The following ACO1 variants were observed in gnomAD, a reference collection of about 807,000 sequenced individuals.
ACO1 encodes the protein cytoplasmic aconitate hydratase.
A neutral mutation model predicts 105.1 loss-of-function variants in ACO1; 78 were observed. The ratio of observed to expected loss-of-function variants is 0.74; its 90% CI spans 0.62 to 0.90. The LOEUF (loss-of-function observed/expected upper bound fraction) is 0.90, where lower values mean the gene tolerates loss of function less well. ACO1 is among the 40% of genes least tolerant of loss of function. The pLI is 0.00. For synonymous variants in ACO1, 364 were observed against 397.4 expected, an observed-to-expected ratio of 0.92 and a Z score of 1.00; for missense variants, 965 against 1,111.1, an observed-to-expected ratio of 0.87 and a Z score of 1.87.
At chr9:32,407,139 C>T in intron 2 of ACO1, 122 bp from the exon 3 acceptor site, 1 of 904,628 alleles carries the variant, frequency 1.1e-6, no homozygotes, top group Admixed American at 2.1e-5. Context: ...GGTCACTTTA[C>T]CCTCTTTCCT....
At chr9:32,418,074 AC>A in intron 4 of ACO1, 53 bp from the exon 5 acceptor site, 1 of 1,518,896 alleles carries the variant, frequency 6.6e-7, no homozygotes, top group Non-Finnish European at 9.1e-7. Context: ...AATAAATTTG[AC>A]CACTAATATG....
intron 1 of ACO1, among the ~76,000 whole-genome samples, chr9:32,391,064 T>C (rs998671311): frequency 1.8e-4 from 27 of 152,218 alleles, no homozygotes; most frequent in African/African-American, 5.8e-4. Context: ...GAGCTTACCA[T>C]AGGTAAGTCA....
intron 16 of ACO1, among the ~76,000 whole-genome samples, chr9:32,434,115 C>G (rs922903639): frequency 7.2e-5 from 11 of 152,264 alleles, no homozygotes; most frequent in African/African-American, 2.6e-4. Flanking sequence ...AGGAGACCAT[C>G]CCCAGAGCCC....
intron 1 of ACO1, among the ~76,000 whole-genome samples, chr9:32,389,412 T>G (rs773075198): frequency 6.6e-6 from 1 of 152,214 alleles, no homozygotes; most frequent in Non-Finnish European, 1.5e-5. Flanking sequence ...CCTGGTATGT[T>G]GAGGACAGTT....
chr9:32,415,698 T>C (rs1048674919), intron 4 of ACO1, among the ~76,000 whole-genome samples: 1 of 152,202 alleles, frequency 6.6e-6, no homozygotes, highest in Non-Finnish European at 1.5e-5. Context: ...TGTCCTGCCT[T>C]GTTCTGCTAT....
chr9:32,385,224 A>T (rs1450217441), intron 1 of ACO1, among the ~76,000 whole-genome samples: 2 of 152,210 alleles, frequency 1.3e-5, no homozygotes, highest in Non-Finnish European at 2.9e-5. Context: ...TTGAACACAG[A>T]GCCCACCATG....
rs1463797761 is a variant in ACO1, at chr9:32,390,791, A to G, written c.-23+6056A>G. 5.9e-5 allele frequency among the ~76,000 whole-genome samples: 9 copies of G among 152,252 alleles called. No homozygotes were observed. In the East Asian group the frequency reaches 1.7e-3, roughly 29 times the overall value. Reference sequence around the variant, plus strand: ...ATGAAAAGAGTCTTAAATTCGAGCCAATATAAAAACGTAGCTTTCTAAAAA... The same window carrying G: ...ATGAAAAGAGTCTTAAATTCGAGCCGATATAAAAACGTAGCTTTCTAAAAA... On this transcript the variant is annotated intron_variant, in intron 1 of 20. Transcript: ENST00000309951.
In ACO1 at chr9:32,407,306, G is replaced by A. The variant is rs200054852; in HGVS notation, c.143G>A (p.Arg48Gln). The change falls in exon 3 of 21, where the codon CGG becomes CAG. Residue 48 changes from arginine to glutamine, a missense_variant. Arg to Gln is a conservative substitution (Grantham distance 43). Coordinates refer to ENST00000309951, the MANE Select transcript of ACO1 (RefSeq NM_002197.3). Reference protein sequence around the residue: ...SIRVLLEAAIRNCDEFLVKKQ... With the variant: ...SIRVLLEAAIQNCDEFLVKKQ... ...AGAGTTCTTCTGGAAGCAGCCATTC[G>A]GAATTGTGATGAGTTTTTGGTGAAG... 1.8e-5 allele frequency: 29 copies of A among 1,613,944 alleles called. No homozygotes were observed. Among genetic ancestry groups the A allele is most frequent in the Middle Eastern group, 1.6e-4 (1 of 6,084 alleles).
At chr9:32,444,034 T>C (rs939894404) in intron 19 of ACO1, among the ~76,000 whole-genome samples, 1 of 144,862 alleles carries the variant, frequency 6.9e-6, no homozygotes, top group Admixed American at 7.0e-5. Flanking sequence ...TGGGTTCTCA[T>C]TGTTCAACTC....
chr9:32,423,242 A>ATTACATAAT, intron 8 of ACO1, 77 bp from the exon 9 acceptor site: 1 of 762,652 alleles, frequency 1.3e-6, no homozygotes, highest in African/African-American at 1.8e-5. Flanking sequence ...ATAATTGCTA[A>ATTACATAAT]TGGAAGTATC....
chr9:32,417,745 T>G (rs1317012293), intron 4 of ACO1, among the ~76,000 whole-genome samples: 1 of 152,142 alleles, frequency 6.6e-6, no homozygotes, highest in African/African-American at 2.4e-5. Context: ...GTCAGAGAGA[T>G]GTTATAATGA....
chr9:32,410,845 G>A (rs577837007), intron 4 of ACO1, among the ~76,000 whole-genome samples: 31 of 152,292 alleles, frequency 2.0e-4, no homozygotes, highest in Non-Finnish European at 4.1e-4. Context: ...TTGTTTGGGA[G>A]GTCAGCTGAC....
At position 32,423,321 on chromosome 9, in the gene ACO1, C is replaced by A; in HGVS notation, c.973C>A (p.Arg325Ser). ...VSITYLVQTG[R>S]DEEKLKYIKK... ...TTACTCCTTAAAATGCCTTTTAGGT[C>A]GTGATGAAGAAAAATTAAAGTATAT... Residue 325 changes from arginine to serine, a missense_variant and splice_region_variant, in exon 9 of 21, where the codon CGT (arginine) becomes AGT (serine). Physicochemically the swap from Arg to Ser is moderately radical, Grantham distance 110. Transcript: ENST00000309951. The A allele has an allele frequency of 1.3e-6, 2 of 1,574,848 alleles. No individual in the cohort carries two copies. The highest frequency in any genetic ancestry group is 1.2e-5 in the South Asian group (1 of 84,646).
intron 15 of ACO1, among the ~76,000 whole-genome samples, chr9:32,432,677 G>A (rs770939051): frequency 6.6e-6 from 1 of 152,178 alleles, no homozygotes; most frequent in Non-Finnish European, 1.5e-5. Flanking sequence ...AACACTCAGA[G>A]AGTAATTTCC....
chr9:32,422,758 GC>G (rs1822002568), intron 8 of ACO1, among the ~76,000 whole-genome samples: 1 of 152,156 alleles, frequency 6.6e-6, no homozygotes, highest in South Asian at 2.1e-4. Context: ...GTCTTCTTGA[GC>G]CGCCATTTCC....
intron 15 of ACO1, among the ~76,000 whole-genome samples, chr9:32,433,193 T>C (rs1224059557): frequency 1.3e-5 from 2 of 152,144 alleles, no homozygotes; most frequent in East Asian, 3.8e-4. Flanking sequence ...GCAGGATCCC[T>C]CCTGCCATCC....
chr9:32,422,067 A>G (rs1821987234), intron 8 of ACO1, among the ~76,000 whole-genome samples: 2 of 152,268 alleles, frequency 1.3e-5, no homozygotes, highest in Admixed American at 1.3e-4. Context: ...AAAGATAACT[A>G]AAAGAACAGA....
intron 1 of ACO1, among the ~76,000 whole-genome samples, chr9:32,399,070 G>T (rs1189548144): frequency 6.6e-6 from 1 of 152,124 alleles, no homozygotes; most frequent in African/African-American, 2.4e-5. Context: ...CCCAAGCATG[G>T]GGTCAAATTG....
chr9:32,449,439 C>T (rs1822705335), intron 20 of ACO1, among the ~76,000 whole-genome samples: 1 of 152,166 alleles, frequency 6.6e-6, no homozygotes, highest in Admixed American at 6.5e-5. Flanking sequence ...TCACCCCTCC[C>T]TAAGCCTGCC....
Sources: allele counts gnomAD v4.1 joint callset (sites outside exome capture counted in the v4.1 genomes callset), GRCh38; gene constraint gnomAD v4.1.1; transcripts MANE v1.5; gene names NCBI Gene and HGNC (gene_info 2026-07-23, HGNC 2026-07-21).